The following ZGRF1 variants were observed in gnomAD, a reference collection of about 807,000 sequenced individuals.
ZGRF1 encodes 5'-3' DNA helicase ZGRF1.
In ZGRF1, 196 loss-of-function variants were observed where a neutral mutation model predicts 203.5. The ratio of observed to expected loss-of-function variants is 0.96; its 90% CI spans 0.86 to 1.08. The LOEUF (loss-of-function observed/expected upper bound fraction) is 1.08. Among genes scored for constraint, ZGRF1 ranks in the 50% least tolerant of loss-of-function variants. The pLI, the probability that ZGRF1 is intolerant of heterozygous loss-of-function variation, is 0.00. For synonymous variants in ZGRF1, 809 were observed against 841.3 expected (o/e 0.96, Z 0.66); for missense variants, 2,326 against 2,416.3 (o/e 0.96, Z 0.78).
intron 10 of ZGRF1, among the ~76,000 whole-genome samples, chr4:112,591,752 C>A (rs191467444): frequency 6.6e-6 from 1 of 152,222 alleles, no homozygotes; most frequent in Admixed American, 6.5e-5. Context: ...GATCTCGACT[C>A]CAGTGTCATC....
chr4:112,624,822 C>T (rs1408440396), intron 3 of ZGRF1, among the ~76,000 whole-genome samples: 1 of 152,174 alleles, frequency 6.6e-6, no homozygotes, highest in Non-Finnish European at 1.5e-5. Flanking sequence ...AAAGTTCCCA[C>T]ATGACCCAGC....
At chr4:112,582,828 CTGAG>C (rs1166293504) in intron 15 of ZGRF1, among the ~76,000 whole-genome samples, 1 of 152,102 alleles carries the variant, frequency 6.6e-6, no homozygotes, top group Non-Finnish European at 1.5e-5. Context: ...TTTTTTATGG[CTGAG>C]TAAGATCCCA....
intron 10 of ZGRF1, among the ~76,000 whole-genome samples, chr4:112,590,154 T>A (rs1286520931): frequency 6.6e-6 from 1 of 152,154 alleles, no homozygotes; most frequent in East Asian, 1.9e-4. Flanking sequence ...TAGGCTTTGG[T>A]CCTGAAGATC....
rs1197810369 is a variant in ZGRF1 at position 112,560,830 on chromosome 4, T to C, written c.4863A>G (p.Thr1621=). 2 of 1,613,614 alleles carry C rather than the reference T, an allele frequency of 1.2e-6. No individual in the cohort carries two copies. The highest frequency in any genetic ancestry group is 1.3e-5 in the African/African-American group (1 of 74,934). ...TCATTTGAGCTATTTGAATTAGAGC[T>C]GTAGCTTGATCCTTGTTTAACTTGT... The part of the protein sequence containing the change: ...QVHKLNKDQA[T]ALIQIAQMMA... The change falls in exon 19 of 28, where the codon ACA becomes ACG. Residue 1621 remains threonine, a synonymous_variant. Transcript: ENST00000505019.
chr4:112,546,263 G>A (rs2148826387), intron 24 of ZGRF1, among the ~76,000 whole-genome samples: 1 of 152,112 alleles, frequency 6.6e-6, no homozygotes, highest in East Asian at 1.9e-4. Flanking sequence ...AAGAGGAAAT[G>A]GGCAGTTAAC....
chr4:112,590,696 C>T (rs1298622726), intron 10 of ZGRF1, among the ~76,000 whole-genome samples: 2 of 151,910 alleles, frequency 1.3e-5, no homozygotes, highest in African/African-American at 2.4e-5. Flanking sequence ...GAGGCTGAGG[C>T]GGGTGGATCA....
intron 24 of ZGRF1, among the ~76,000 whole-genome samples, chr4:112,545,688 G>A (rs758527037): frequency 6.6e-6 from 1 of 152,152 alleles, no homozygotes; most frequent in Non-Finnish European, 1.5e-5. Context: ...ATGTTCACAG[G>A]AGATTTTTCA....
chr4:112,617,772 T>C lies in ZGRF1; in HGVS notation c.2270A>G (p.Asn757Ser), dbSNP rs1320715735. 1.9e-6 allele frequency: 3 copies of C among 1,614,106 alleles called. No individual in the cohort carries two copies. The highest frequency in any genetic ancestry group is 2.5e-6 in the Non-Finnish European group (3 of 1,179,952). The change falls in exon 6 of 28, where the codon AAT becomes AGT. Residue 757 changes from asparagine (N) to serine (S), a missense_variant. Transcript: ENST00000505019. ...HYECIALDKS[N>S]THISNSLFYP... ...AAACAAAGAATTGGAAATGTGGGTATTTGATTTATCAAGTGCAATACATTC... is the reference window on the plus strand; with the variant it reads ...AAACAAAGAATTGGAAATGTGGGTACTTGATTTATCAAGTGCAATACATTC...
At position 112,617,907 on chromosome 4, in the gene ZGRF1, T is replaced by A; in HGVS notation, c.2135A>T (p.Gln712Leu). 1 of 1,613,862 alleles carries A rather than the reference T, an allele frequency of 6.2e-7. No individual in the cohort carries two copies. Among genetic ancestry groups the A allele is most frequent in the Non-Finnish European group, 8.5e-7 (1 of 1,179,946 alleles). Residue 712 changes from glutamine to leucine, a missense_variant, in exon 6 of 28, where the codon CAG becomes CTG. By Grantham distance (113) the Gln-to-Leu change is moderately radical. Coordinates refer to ENST00000505019, the MANE Select transcript of ZGRF1 (RefSeq NM_018392.5). ...TAAGTCACTTCCCAAAATAAAAGGC[T>A]GAGGTTGAGCATCTTCTGAAAATAG... ...SNLFSEDAQP[Q>L]PFILGSDLDK... is the part of the protein sequence containing the mutation.
intron 6 of ZGRF1, among the ~76,000 whole-genome samples, chr4:112,613,912 AT>A (rs1443944760): frequency 6.6e-6 from 1 of 152,194 alleles, no homozygotes; most frequent in Non-Finnish European, 1.5e-5. Context: ...GGCAATTGCT[AT>A]TTATGATTTC....
At chr4:112,603,768 A>C in intron 9 of ZGRF1, 71 bp from the exon 10 acceptor site, 2 of 1,172,112 alleles carry the variant, frequency 1.7e-6, no homozygotes, top group Non-Finnish European at 2.5e-6. Context: ...AAGTAAACAC[A>C]CAGAATACAA....
At position 112,578,932 on chromosome 4, in the gene ZGRF1, T is replaced by A. The variant is rs1191288044; in HGVS notation, c.4438+2731A>T. ...CCTAATTCATTTTCTGAGGCCAGAA[T>A]CACCCTGATACCAAAGCCTGGCAGA... On this transcript the variant is annotated intron_variant, in intron 16 of 27. Transcript: ENST00000505019. 1.6e-5 allele frequency among the ~76,000 whole-genome samples: 2 copies of A among 122,754 alleles called. 1 individual carries two copies. Among genetic ancestry groups the A allele is most frequent in the East Asian group, 4.8e-4 (2 of 4,170 alleles). 80.5% of individuals were successfully genotyped at this position (122,754 alleles called of 152,430 possible). A position where few individuals can be genotyped will look rare whatever the true frequency, so the allele number is the denominator to read the frequency against.
rs186746289 is a variant in ZGRF1, at chr4:112,564,878, G to A, written c.4439-1604C>T. 427 of 627,592 alleles carry A rather than the reference G, an allele frequency of 6.8e-4. 5 individuals carry two copies. In the East Asian group the frequency reaches 0.011, roughly 16 times the overall value. The allele number at this position is 627,592 out of a possible 1,614,324, so 38.9% of individuals were successfully genotyped here. On this transcript the variant is annotated intron_variant, in intron 16 of 27. Transcript: ENST00000505019. Reference sequence around the variant, plus strand: ...CATTATAAATTCTTTTTACTGAATTGTGTTCGCAGCCGCCACCGCGCCGCC... The same window carrying A: ...CATTATAAATTCTTTTTACTGAATTATGTTCGCAGCCGCCACCGCGCCGCC...
chr4:112,578,800 G>C (rs1745695150), intron 16 of ZGRF1, among the ~76,000 whole-genome samples: 1 of 122,454 alleles, frequency 8.2e-6, no homozygotes, highest in African/African-American at 2.8e-5. Context: ...ACCAAAAAAA[G>C]TCCAGGACCA....
Position 112,560,954 on chromosome 4 carries a change from C to A in ZGRF1, c.4739G>T (p.Arg1580Ile). 7.4e-6 allele frequency: 12 copies of A among 1,610,786 alleles called. No individual in the cohort carries two copies. The highest frequency in any genetic ancestry group is 1.0e-5 in the Non-Finnish European group (12 of 1,177,664). ...TGTGAAGGCTGGTGGGATAAATTTTCTCTTACTGACTCTTTTGTTACTAAC... is the reference window on the plus strand; with the variant it reads ...TGTGAAGGCTGGTGGGATAAATTTTATCTTACTGACTCTTTTGTTACTAAC... ...TIVSNKRVSK[R>I]KFIPPAFTNV... Residue 1580 changes from arginine to isoleucine, a missense_variant, in exon 19 of 28, where the codon AGA (arginine) becomes ATA (isoleucine). Transcript: ENST00000505019.
In ZGRF1 at chr4:112,539,596, T is replaced by C; in HGVS notation, c.6266A>G (p.Gln2089Arg). 1 of 1,558,576 alleles carries C rather than the reference T, an allele frequency of 6.4e-7. No individual in the cohort carries two copies. Among genetic ancestry groups the C allele is most frequent in the Non-Finnish European group, 8.7e-7 (1 of 1,143,674 alleles). The change falls in exon 28 of 28, where the codon CAG becomes CGG. Residue 2089 changes from glutamine to arginine, a missense_variant. Coordinates refer to ENST00000505019, the MANE Select transcript of ZGRF1 (RefSeq NM_018392.5). ...TTTCTCTTTTTCACTCTTTTTCTTC[T>C]GTTTTTCTTCCACTTGTTTTTCAAA... is the stretch of plus-strand genomic sequence containing the variant. ...DYFEKQVEEKQKKKSEKEKSK... is the reference protein window; with the variant it reads ...DYFEKQVEEKRKKKSEKEKSK...
chr4:112,562,233 A>G (rs958068320), intron 18 of ZGRF1, 138 bp downstream of exon 18: 16 of 596,358 alleles, frequency 2.7e-5, no homozygotes, highest in Non-Finnish European at 4.8e-5. Context: ...AACCACTGAC[A>G]GAGAATAATG....
At chr4:112,545,000 T>C (rs1738470679) in intron 24 of ZGRF1, among the ~76,000 whole-genome samples, 1 of 151,998 alleles carries the variant, frequency 6.6e-6, no homozygotes, top group Non-Finnish European at 1.5e-5. Flanking sequence ...TCAAAATGGA[T>C]CAAAGACCTC....
chr4:112,591,747 C>T (rs537493863), intron 10 of ZGRF1, among the ~76,000 whole-genome samples: 3 of 152,268 alleles, frequency 2.0e-5, no homozygotes, highest in East Asian at 1.9e-4. Context: ...ATTCAGATCT[C>T]GACTCCAGTG....
Sources: allele counts gnomAD v4.1 joint callset (sites outside exome capture counted in the v4.1 genomes callset), GRCh38; gene constraint gnomAD v4.1.1; transcripts MANE v1.5; gene names NCBI Gene and HGNC (gene_info 2026-07-23, HGNC 2026-07-21).